The following P2RX7 variants were observed in gnomAD, a reference collection of about 807,000 sequenced individuals.
P2RX7 encodes the protein purinergic receptor P2X 7.
A neutral mutation model predicts 71.6 loss-of-function variants in P2RX7; 62 were observed. The observed-to-expected ratio is 0.87, with a 90% CI of 0.71 to 1.07. The LOEUF (loss-of-function observed/expected upper bound fraction) is 1.07, where lower values mean the gene tolerates loss of function less well. P2RX7 is among the 50% of genes least tolerant of loss of function. P2RX7 has a pLI of 0.00. For synonymous variants in P2RX7, 299 were observed against 283.3 expected (o/e 1.06, Z -0.56); for missense variants, 686 against 748.5 (o/e 0.92, Z 0.97).
intron 8 of P2RX7, among the ~76,000 whole-genome samples, chr12:121,174,048 C>CTTTTTTTTTTTTTTTTTTTTTTT (rs141344773): frequency 1.4e-5 from 1 of 73,912 alleles, no homozygotes; most frequent in Non-Finnish European, 2.8e-5. Context: ...CTTTTCTTTT[C>CTTTTTTTTTTTTTTTTTTTTTTT]TTTTTTTTTT....
chr12:121,136,851 G>A (rs911126194), intron 1 of P2RX7, among the ~76,000 whole-genome samples: 4 of 151,510 alleles, frequency 2.6e-5, no homozygotes, highest in Non-Finnish European at 4.4e-5. Flanking sequence ...TTTCACCATA[G>A]TTGTCCAGGC....
Position 121,166,127 on chromosome 12 carries a change from T to C in P2RX7, c.684T>C (p.Ile228=). The C allele has an allele frequency of 6.2e-7, 1 of 1,614,058 alleles. No individual in the cohort carries two copies. The highest frequency in any genetic ancestry group is 8.5e-7 in the Non-Finnish European group (1 of 1,179,940). Residue 228 remains isoleucine (I), a synonymous_variant, in exon 7 of 13, where the codon ATT becomes ATC. Transcript: ENST00000328963. ...AGACTCAGAATCCACAGTGTCCCAT[T>C]TTCCGACTAGGAGACATCTTCCGAG... ...FHKTQNPQCP[I]FRLGDIFRET... is the part of the protein sequence containing the mutation.
Position 121,167,604 on chromosome 12 carries a change from G to C in P2RX7, c.861G>C (p.Leu287Phe). The C allele has an allele frequency of 6.3e-7, 1 of 1,596,570 alleles. No homozygotes were observed. Among genetic ancestry groups the C allele is most frequent in the Non-Finnish European group, 8.5e-7 (1 of 1,170,522 alleles). The change falls in exon 8 of 13, where the codon TTG (leucine) becomes TTC (phenylalanine). Residue 287 changes from leucine (L) to phenylalanine (F), a missense_variant. Coordinates refer to ENST00000328963, the MANE Select transcript of P2RX7 (RefSeq NM_002562.6). ...RLDDKTTNVS[L>F]YPGYNFRYAK... ...ACGACAAGACCACCAACGTGTCCTT[G>C]TACCCTGGCTACAACTTCAGGTAAC...
intron 1 of P2RX7, among the ~76,000 whole-genome samples, chr12:121,143,254 T>C (rs1593009747): frequency 6.7e-6 from 1 of 149,106 alleles, no homozygotes; most frequent in South Asian, 2.1e-4. Context: ...ATTACCCAGA[T>C]GTGGTGGCAG....
intron 3 of P2RX7, among the ~76,000 whole-genome samples, chr12:121,160,523 T>C (rs1271586441): frequency 6.6e-6 from 1 of 152,162 alleles, no homozygotes; most frequent in African/African-American, 2.4e-5. Context: ...CCCCTTCCCC[T>C]GTCCCTGGCC....
Position 121,165,388 on chromosome 12 carries a change from A to T in P2RX7, c.565A>T (p.Thr189Ser). 1.9e-6 allele frequency: 3 copies of T among 1,613,982 alleles called. No individual in the cohort carries two copies. The highest frequency in any genetic ancestry group is 2.5e-6 in the Non-Finnish European group (3 of 1,179,978). The stretch of plus-strand genomic sequence containing the variant: ...TCTCTTGAACAGTGCCGAAAACTTC[A>T]CTGTGCTCATCAAGAACAATATCGA... Reference protein sequence around the residue: ...PALLNSAENFTVLIKNNIDFP... With the variant: ...PALLNSAENFSVLIKNNIDFP... Residue 189 changes from threonine (T) to serine (S), a missense_variant, in exon 6 of 13, where the codon ACT becomes TCT. Physicochemically the swap from Thr to Ser is moderately conservative, Grantham distance 58 (BLOSUM62 1). Transcript: ENST00000328963.
intron 8 of P2RX7, among the ~76,000 whole-genome samples, chr12:121,167,947 A>C (rs1258226276): frequency 2.0e-5 from 3 of 151,690 alleles, no homozygotes; most frequent in Non-Finnish European, 1.5e-5. Context: ...CAAGTAGCTG[A>C]GATTATAGGC....
Position 121,184,577 on chromosome 12 carries a change from C to G in P2RX7, c.1563C>G (p.His521Gln), listed in dbSNP as rs2230913. ...TCAGGAAGCTGGTCCTGTCCAGACA[C>G]GTCCTGCAGTTCCTCCTGCTCTACC... ...ELFRKLVLSR[H>Q]VLQFLLLYQE... Residue 521 changes from histidine to glutamine, a missense_variant, in exon 13 of 13, where the codon CAC (histidine) becomes CAG (glutamine). By Grantham distance (24) the His-to-Gln change is conservative (BLOSUM62 0). Coordinates refer to ENST00000328963, the MANE Select transcript of P2RX7 (RefSeq NM_002562.6). 7.1e-3 allele frequency: 11,460 copies of G among 1,614,104 alleles called. 728 individuals are homozygous for G. In the African/African-American group the frequency reaches 0.13, roughly 19 times the overall value.
chr12:121,142,482 TC>T (rs1432951119), intron 1 of P2RX7, among the ~76,000 whole-genome samples: 1 of 152,114 alleles, frequency 6.6e-6, no homozygotes, highest in Non-Finnish European at 1.5e-5. Context: ...AATACTCTCT[TC>T]TTTTAAGGGG....
Position 121,162,451 on chromosome 12 carries a change from A to T in P2RX7, c.464A>T (p.Tyr155Phe), listed in dbSNP as rs531391976. 6.2e-7 allele frequency: 1 copy of T among 1,613,952 alleles called. No homozygotes were observed. Among genetic ancestry groups the T allele is most frequent in the South Asian group, 1.1e-5 (1 of 91,078 alleles). ...ATTCAGACCGGAAGGTGTGTAGTGT[A>T]TGAAGGGAACCAGAAGACCTGTGAA... is the stretch of plus-strand genomic sequence containing the variant. The part of the protein sequence containing the change: ...KGIQTGRCVV[Y>F]EGNQKTCEVS... Residue 155 changes from tyrosine to phenylalanine, a missense_variant, in exon 5 of 13, where the codon TAT becomes TTT. Physicochemically the swap from Tyr to Phe is conservative, Grantham distance 22. Coordinates refer to ENST00000328963, the MANE Select transcript of P2RX7 (RefSeq NM_002562.6).
chr12:121,141,219 G>C (rs528752838), intron 1 of P2RX7, among the ~76,000 whole-genome samples: 1 of 152,296 alleles, frequency 6.6e-6, no homozygotes, highest in South Asian at 2.1e-4. Flanking sequence ...CATGTCAAAA[G>C]ATAAGCATGA....
chr12:121,174,168 G>C (rs573910973), intron 8 of P2RX7, among the ~76,000 whole-genome samples: 2 of 147,944 alleles, frequency 1.4e-5, no homozygotes, highest in African/African-American at 2.5e-5. Context: ...GTGCCTCAGC[G>C]TCCTGAGTAG....
At chr12:121,182,799 CAAT>C (rs1232972759) in intron 12 of P2RX7, among the ~76,000 whole-genome samples, 1 of 152,126 alleles carries the variant, frequency 6.6e-6, no homozygotes, top group Non-Finnish European at 1.5e-5. Context: ...TATCTTTCTT[CAAT>C]AATAAATTAA....
intron 1 of P2RX7, among the ~76,000 whole-genome samples, chr12:121,145,903 G>A (rs974724852): frequency 6.6e-6 from 1 of 152,120 alleles, no homozygotes; most frequent in Non-Finnish European, 1.5e-5. Flanking sequence ...TTTTTAAGAT[G>A]AGAAATGATG....
At chr12:121,150,999 G>A (rs967456819) in intron 1 of P2RX7, among the ~76,000 whole-genome samples, 1 of 152,162 alleles carries the variant, frequency 6.6e-6, no homozygotes, top group Non-Finnish European at 1.5e-5. Context: ...AAGAAATAAA[G>A]CATTACTAAT....
At chr12:121,139,904 G>A (rs1312333124) in intron 1 of P2RX7, among the ~76,000 whole-genome samples, 1 of 152,084 alleles carries the variant, frequency 6.6e-6, no homozygotes, top group African/African-American at 2.4e-5. Context: ...GATAATGTCT[G>A]TATTTTTAGT....
intron 12 of P2RX7, among the ~76,000 whole-genome samples, chr12:121,183,990 G>A (rs1565981858): frequency 2.6e-5 from 4 of 151,366 alleles, no homozygotes. Flanking sequence ...GTCTGAACCT[G>A]GGAGGTGAAA....
chr12:121,180,497 T>G, intron 12 of P2RX7, 42 bp downstream of exon 12: 4 of 1,032,346 alleles, frequency 3.9e-6, no homozygotes, highest in Non-Finnish European at 4.3e-6. Context: ...TTTAAGAAAA[T>G]TTACTGTTAA....
intron 7 of P2RX7, among the ~76,000 whole-genome samples, chr12:121,166,978 G>T (rs1489451407): frequency 2.0e-5 from 3 of 151,586 alleles, no homozygotes; most frequent in Admixed American, 2.0e-4. Flanking sequence ...CTTGAACCTG[G>T]GAGGCAGAGG....
Sources: allele counts gnomAD v4.1 joint callset (sites outside exome capture counted in the v4.1 genomes callset), GRCh38; gene constraint gnomAD v4.1.1; transcripts MANE v1.5; gene names NCBI Gene and HGNC (gene_info 2026-07-23, HGNC 2026-07-21).